Variants in MYO5A observed in about 807,000 individuals in gnomAD.
MYO5A encodes unconventional myosin-Va.
A neutral mutation model predicts 249.7 loss-of-function variants in MYO5A; 98 were observed. That is an observed-to-expected ratio of 0.39 (90% CI 0.33 to 0.46). The LOEUF (loss-of-function observed/expected upper bound fraction) is 0.46. MYO5A is among the 20% of genes least tolerant of loss of function. The pLI is 0.98. For synonymous variants in MYO5A, 778 were observed against 810.6 expected (o/e 0.96, Z 0.68); for missense variants, 1,696 against 2,308.8 (o/e 0.73, Z 5.44).
At chr15:52,472,407 T>G (rs550110086) in intron 1 of MYO5A, among the ~76,000 whole-genome samples, 30 of 152,258 alleles carry the variant, frequency 2.0e-4, no homozygotes, top group Non-Finnish European at 3.2e-4. Context: ...CATTTTTTTT[T>G]ATTATACTTT....
chr15:52,427,281 C>A (rs1393677939), intron 3 of MYO5A, among the ~76,000 whole-genome samples: 1 of 151,878 alleles, frequency 6.6e-6, no homozygotes, highest in East Asian at 1.9e-4. Context: ...CAACAGTAAA[C>A]AAACAAACAA....
intron 1 of MYO5A, among the ~76,000 whole-genome samples, chr15:52,472,969 C>G (rs1391751735): frequency 2.6e-5 from 4 of 152,256 alleles, no homozygotes; most frequent in Admixed American, 6.5e-5. Context: ...AATTGCCACA[C>G]TGTCTTCCAC....
intron 1 of MYO5A, among the ~76,000 whole-genome samples, chr15:52,485,911 A>ACG (rs2076810781): frequency 6.6e-6 from 1 of 152,238 alleles, no homozygotes. Context: ...GGCGAATCTT[A>ACG]GGATTTCAAG....
chr15:52,363,211 G>A (rs2040625319), intron 24 of MYO5A, among the ~76,000 whole-genome samples: 1 of 152,190 alleles, frequency 6.6e-6, no homozygotes, highest in Admixed American at 6.5e-5. Context: ...TGGGGAACAT[G>A]AACACTGAAA....
chr15:52,487,833 GC>G (rs1179509762), intron 1 of MYO5A, among the ~76,000 whole-genome samples: 3 of 151,616 alleles, frequency 2.0e-5, no homozygotes, highest in Non-Finnish European at 4.4e-5. Context: ...CGTTCCTGAT[GC>G]CCCTCACTCA....
intron 11 of MYO5A, among the ~76,000 whole-genome samples, chr15:52,392,845 C>T (rs755976501): frequency 7.2e-5 from 11 of 152,324 alleles, no homozygotes; most frequent in Non-Finnish European, 1.5e-4. Flanking sequence ...AACCAAATAA[C>T]CATAAGGAAT....
chr15:52,428,568 T>C lies in MYO5A; in HGVS notation c.140A>G (p.Asp47Gly). 1.2e-6 allele frequency: 2 copies of C among 1,614,078 alleles called. No homozygotes were observed. Among genetic ancestry groups the C allele is most frequent in the Non-Finnish European group, 8.5e-7 (1 of 1,179,976 alleles). The part of the protein sequence containing the change: ...VLLLHLEEGK[D>G]LEYHLDPKTK... ...CTTTGGATCTAGATGGTATTCCAAA[T>C]CCTGAAAATGCACAAGGCACAGCAT... Residue 47 changes from aspartate (D) to glycine (G), a missense_variant and splice_region_variant, in exon 3 of 42, where the codon GAT becomes GGT. Physicochemically the swap from Asp to Gly is moderately conservative, Grantham distance 94. Transcript: ENST00000399233.
At chr15:52,413,949 T>C (rs757368281) in intron 5 of MYO5A, among the ~76,000 whole-genome samples, 6 of 152,190 alleles carry the variant, frequency 3.9e-5, no homozygotes, top group Non-Finnish European at 8.8e-5. Context: ...CTTTGACTGC[T>C]GTGGTTTGGA....
chr15:52,470,426 C>G (rs980628847), intron 1 of MYO5A, among the ~76,000 whole-genome samples: 3 of 151,996 alleles, frequency 2.0e-5, no homozygotes, highest in African/African-American at 7.3e-5. Context: ...CCGAGGCAGG[C>G]AGATCACCTG....
intron 1 of MYO5A, among the ~76,000 whole-genome samples, chr15:52,489,343 T>C (rs1000875901): frequency 2.0e-5 from 3 of 150,584 alleles, no homozygotes; most frequent in Non-Finnish European, 4.4e-5. Flanking sequence ...GGCGGGCGGA[T>C]CACGAGGTCA....
At chr15:52,405,931 A>T (rs971207952) in intron 8 of MYO5A, among the ~76,000 whole-genome samples, 5 of 152,220 alleles carry the variant, frequency 3.3e-5, no homozygotes, top group African/African-American at 1.2e-4. Flanking sequence ...TAATTATTTA[A>T]TTACTTCTTT....
chr15:52,401,293 C>T (rs1308032712), intron 9 of MYO5A, among the ~76,000 whole-genome samples: 1 of 152,196 alleles, frequency 6.6e-6, no homozygotes, highest in East Asian at 1.9e-4. Flanking sequence ...TAGTCTCAAA[C>T]TCTTAGCCTC....
At chr15:52,364,987 C>T (rs1253768635) in intron 23 of MYO5A, among the ~76,000 whole-genome samples, 1 of 152,200 alleles carries the variant, frequency 6.6e-6, no homozygotes, top group South Asian at 2.1e-4. Flanking sequence ...TTCCACTAGT[C>T]AGTCACTGTC....
rs1391029312 is a variant in MYO5A, at chr15:52,313,851, GAGA to G, written c.5491-6_5491-4del. 6.2e-7 allele frequency: 1 copy of G among 1,613,658 alleles called. No homozygotes were observed. The highest frequency in any genetic ancestry group is 8.5e-7 in the Non-Finnish European group (1 of 1,179,886). ...TCTTTCCTGTCTCGTAAACGCATCT[GAGA>G]AGATTAGGAAAAAAAATAAACAGAG... On this transcript the variant is annotated splice_polypyrimidine_tract_variant and splice_region_variant and intron_variant, in intron 41 of 41. Coordinates refer to ENST00000399233, the MANE Select transcript of MYO5A (RefSeq NM_001382347.1).
intron 1 of MYO5A, among the ~76,000 whole-genome samples, chr15:52,513,837 G>A (rs1454244053): frequency 6.6e-6 from 1 of 152,188 alleles, no homozygotes; most frequent in African/African-American, 2.4e-5. Context: ...CTCTGACATG[G>A]GTCAGTACTG....
intron 1 of MYO5A, among the ~76,000 whole-genome samples, chr15:52,492,827 T>C (rs2076961064): frequency 6.6e-6 from 1 of 152,222 alleles, no homozygotes; most frequent in Admixed American, 6.5e-5. Flanking sequence ...TTGATACTGT[T>C]GAAGTTGGGG....
chr15:52,416,750 C>T (rs2043516746), intron 4 of MYO5A, among the ~76,000 whole-genome samples: 1 of 152,136 alleles, frequency 6.6e-6, no homozygotes. Flanking sequence ...TGTTTTATGA[C>T]TTGGGTTTAT....
intron 1 of MYO5A, among the ~76,000 whole-genome samples, chr15:52,524,898 C>A (rs2246041): frequency 0.8 from 114,235 of 143,210 alleles, 44,554 homozygotes; most frequent in South Asian, 0.87. Context: ...AAAAAAAAAA[C>A]CCAGCTTCAA....
intron 25 of MYO5A, among the ~76,000 whole-genome samples, chr15:52,357,051 T>G (rs2040264745): frequency 6.6e-6 from 1 of 152,086 alleles, no homozygotes; most frequent in Non-Finnish European, 1.5e-5. Flanking sequence ...ATAATCTTTA[T>G]AATAAAGTCT....
Sources: gnomAD v4.1 joint callset for allele counts (sites outside exome capture counted in the v4.1 genomes callset) on GRCh38, gnomAD v4.1.1 for gene constraint, MANE v1.5 for transcripts, NCBI Gene and HGNC (gene_info 2026-07-23, HGNC 2026-07-21) for gene names.